Variants in HEXB observed in about 807,000 individuals in gnomAD.
HEXB encodes the protein beta-hexosaminidase subunit beta.
In HEXB, 51 loss-of-function variants were observed where a neutral mutation model predicts 71.2. The ratio of observed to expected loss-of-function variants is 0.72; its 90% CI spans 0.57 to 0.90. HEXB has a LOEUF of 0.90. Among genes scored for constraint, HEXB ranks in the 40% least tolerant of loss-of-function variants. The pLI, the probability that HEXB is intolerant of heterozygous loss-of-function variation, is 0.00. For missense variants in HEXB, 617 were observed against 677.0 expected (o/e 0.91, Z 0.98); for synonymous variants, 266 against 249.3 (o/e 1.07, Z -0.63).
intron 9 of HEXB, among the ~76,000 whole-genome samples, chr5:74,717,192 A>G (rs564248003): frequency 6.6e-6 from 1 of 152,162 alleles, no homozygotes; most frequent in African/African-American, 2.4e-5. Context: ...CAATCAATCA[A>G]TCAATCCATC....
At chr5:74,709,090 A>C (rs1248097658) in intron 6 of HEXB, among the ~76,000 whole-genome samples, 8 of 152,126 alleles carry the variant, frequency 5.3e-5, no homozygotes, top group Admixed American at 5.2e-4. Context: ...ATAACAAACT[A>C]TCTCTCAGAC....
intron 1 of HEXB, among the ~76,000 whole-genome samples, chr5:74,653,604 C>G (rs568525321): frequency 1.3e-5 from 2 of 152,214 alleles, no homozygotes; most frequent in Non-Finnish European, 2.9e-5. Context: ...TATAGATTTA[C>G]AGTTTGCTAA....
At chr5:74,705,572 G>T (rs576989047) in intron 6 of HEXB, 3 of 471,932 alleles carry the variant, frequency 6.4e-6, no homozygotes, top group Non-Finnish European at 1.1e-5. Context: ...AATTTAACAA[G>T]GTAGAAGCCC....
At chr5:74,667,197 C>T (rs1748447399) in intron 1 of HEXB, among the ~76,000 whole-genome samples, 2 of 151,956 alleles carry the variant, frequency 1.3e-5, no homozygotes, top group African/African-American at 2.4e-5. Context: ...GGCAGATCAC[C>T]TGAGGTCGGG....
intron 1 of HEXB, among the ~76,000 whole-genome samples, chr5:74,657,094 G>A (rs1013374404): frequency 2.6e-5 from 4 of 152,108 alleles, no homozygotes; most frequent in Admixed American, 6.5e-5. Context: ...TCAACACAGC[G>A]ACAAGAACAG....
Position 74,650,305 on chromosome 5 carries a change from T to G in HEXB, c.-377+9747T>G, listed in dbSNP as rs1748078366. On this transcript the variant is annotated intron_variant, in intron 1 of 13. Transcript: ENST00000511181. ...AGAATAATTAATAAAACATTTTTCCTACACTGAACTTTTAGAGGACAGATG... is the reference window on the plus strand; with the variant it reads ...AGAATAATTAATAAAACATTTTTCCGACACTGAACTTTTAGAGGACAGATG... Among the ~76,000 whole-genome samples, 4 of 152,256 alleles carry G rather than the reference T, an allele frequency of 2.6e-5. No homozygotes were observed. In the South Asian group the frequency reaches 8.3e-4, roughly 31 times the overall value.
chr5:74,689,283 G>C (rs201481570), intron 1 of HEXB, 45 bp from the exon 2 acceptor site: 51 of 1,516,654 alleles, frequency 3.4e-5, no homozygotes, highest in Admixed American at 1.0e-4. Context: ...TTAAAAATTT[G>C]GCTAAAATCC....
chr5:74,653,393 T>G (rs549865199), intron 1 of HEXB, among the ~76,000 whole-genome samples: 25 of 152,338 alleles, frequency 1.6e-4, no homozygotes, highest in African/African-American at 5.8e-4. Flanking sequence ...CTTTCCCCTC[T>G]GGCCAAGATG....
intron 1 of HEXB, among the ~76,000 whole-genome samples, chr5:74,669,488 G>A: frequency 6.6e-6 from 1 of 151,902 alleles, no homozygotes; most frequent in East Asian, 1.9e-4. Flanking sequence ...TTTTTCCCTA[G>A]GGAACTCATC....
upstream of HEXB, among the ~76,000 whole-genome samples, chr5:74,680,853 G>A (rs770269924): frequency 2.0e-5 from 3 of 152,176 alleles, no homozygotes; most frequent in Non-Finnish European, 4.4e-5. Context: ...ATCCAGTGAT[G>A]CATTTTAAGC....
intron 1 of HEXB, among the ~76,000 whole-genome samples, chr5:74,647,597 A>G (rs535395694): frequency 6.6e-6 from 1 of 152,354 alleles, no homozygotes; most frequent in East Asian, 1.9e-4. Flanking sequence ...ATGAACAAGG[A>G]TATATACAAG....
chr5:74,664,993 G>A (rs1748407682), intron 1 of HEXB, among the ~76,000 whole-genome samples: 1 of 152,130 alleles, frequency 6.6e-6, no homozygotes, highest in African/African-American at 2.4e-5. Flanking sequence ...TCAAAAATAA[G>A]AGCTCATGCC....
intron 5 of HEXB, among the ~76,000 whole-genome samples, chr5:74,702,810 A>C (rs1749295270): frequency 6.6e-6 from 1 of 151,606 alleles, no homozygotes; most frequent in Non-Finnish European, 1.5e-5. Flanking sequence ...TAATTCCATC[A>C]CTCCTTCTAT....
chr5:74,668,230 T>TTG (rs34727155), intron 1 of HEXB, among the ~76,000 whole-genome samples: 48,806 of 148,400 alleles, frequency 0.33, 8,262 homozygotes, highest in African/African-American at 0.44. Context: ...TTTGTTTTGT[T>TTG]TGTGTGTGTG....
At chr5:74,648,380 G>C (rs1748039456) in intron 1 of HEXB, among the ~76,000 whole-genome samples, 1 of 152,126 alleles carries the variant, frequency 6.6e-6, no homozygotes, top group African/African-American at 2.4e-5. Context: ...ATTAGTCAAA[G>C]TAGTAAACAC....
At position 74,713,516 on chromosome 5, in the gene HEXB, C is replaced by T. The variant is rs1359983158; in HGVS notation, c.782C>T (p.Ser261Phe). The T allele has an allele frequency of 2.5e-6, 4 of 1,611,400 alleles. No individual in the cohort carries two copies. The Admixed American group carries it at 6.7e-5, about 27-fold the overall frequency. The change falls in exon 7 of 14, where the codon TCT (serine) becomes TTT (phenylalanine). Residue 261 changes from serine to phenylalanine, a missense_variant. Physicochemically the swap from Ser to Phe is radical, Grantham distance 155. Coordinates refer to ENST00000261416, the MANE Select transcript of HEXB (RefSeq NM_000521.4). ...ATATGGCTTTTACAGGGAAGCTATT[C>T]TTTGTCTCATGTTTATACACCAAAT... is the stretch of plus-strand genomic sequence containing the variant. ...FPELSNKGSY[S>F]LSHVYTPNDV... is the part of the protein sequence containing the mutation.
intron 1 of HEXB, among the ~76,000 whole-genome samples, chr5:74,655,505 A>T (rs1748202493): frequency 6.6e-6 from 1 of 151,486 alleles, no homozygotes; most frequent in Non-Finnish European, 1.5e-5. Context: ...TGTTTTTTTA[A>T]ATGTATTTTT....
upstream of HEXB, among the ~76,000 whole-genome samples, chr5:74,682,414 A>G (rs551694913): frequency 1.2e-4 from 19 of 152,340 alleles, no homozygotes; most frequent in African/African-American, 4.3e-4. Context: ...CCAAGCCTAA[A>G]GAAAAAAACC....
At chr5:74,662,363 T>G (rs562256560) in intron 1 of HEXB, among the ~76,000 whole-genome samples, 1 of 152,360 alleles carries the variant, frequency 6.6e-6, no homozygotes, top group South Asian at 2.1e-4. Context: ...TTGCCCATTT[T>G]GTTTTGAGTT....
Sources: allele counts gnomAD v4.1 joint callset (sites outside exome capture counted in the v4.1 genomes callset), GRCh38; gene constraint gnomAD v4.1.1; transcripts MANE v1.5; gene names NCBI Gene and HGNC (gene_info 2026-07-23, HGNC 2026-07-21).